The following VPS41 variants were observed in gnomAD, a reference collection of about 807,000 sequenced individuals.
VPS41 encodes the protein vacuolar protein sorting-associated protein 41 homolog.
VPS41 carries 85 observed loss-of-function variants against 130.9 expected under a neutral mutation model. The observed-to-expected ratio is 0.65, with a 90% CI of 0.55 to 0.78. The LOEUF (loss-of-function observed/expected upper bound fraction) is 0.78. VPS41 is among the 30% of genes least tolerant of loss of function. The pLI, the probability that VPS41 is intolerant of heterozygous loss-of-function variation, is 0.00. For missense variants in VPS41, 874 were observed against 1,018.7 expected (o/e 0.86, Z 1.93); for synonymous variants, 335 against 332.9 (o/e 1.01, Z -0.07).
chr7:38,789,697 G>T, intron 10 of VPS41, 104 bp downstream of exon 10: 1 of 1,106,282 alleles, frequency 9.0e-7, no homozygotes. Context: ...GGAGGCTGCT[G>T]CAGGGATCCA....
intron 17 of VPS41, among the ~76,000 whole-genome samples, chr7:38,763,165 TAGC>T (rs1231429224): frequency 6.6e-6 from 1 of 152,204 alleles, no homozygotes; most frequent in Non-Finnish European, 1.5e-5. Flanking sequence ...AAAGATGGAA[TAGC>T]AGCTGCTATT....
intron 10 of VPS41, among the ~76,000 whole-genome samples, chr7:38,777,439 A>C (rs1216242292): frequency 6.6e-6 from 1 of 152,226 alleles, no homozygotes; most frequent in Non-Finnish European, 1.5e-5. Context: ...CTTTAATTGC[A>C]CTGGACCCCA....
intron 10 of VPS41, among the ~76,000 whole-genome samples, chr7:38,786,124 G>A (rs558309110): frequency 6.6e-6 from 1 of 152,188 alleles, no homozygotes; most frequent in Non-Finnish European, 1.5e-5. Flanking sequence ...AAGGCCAGGG[G>A]CTGGGTAGAG....
chr7:38,886,292 G>A (rs530005949), intron 2 of VPS41, among the ~76,000 whole-genome samples: 1 of 152,302 alleles, frequency 6.6e-6, no homozygotes, highest in South Asian at 2.1e-4. Context: ...GTATACTCCT[G>A]CCCAAATACT....
intron 10 of VPS41, among the ~76,000 whole-genome samples, chr7:38,777,036 G>A (rs1276528822): frequency 6.6e-6 from 1 of 152,202 alleles, no homozygotes; most frequent in African/African-American, 2.4e-5. Flanking sequence ...AGCATGAATG[G>A]TCAAGGGTGA....
intron 17 of VPS41, among the ~76,000 whole-genome samples, chr7:38,760,080 A>C (rs950044917): frequency 6.6e-6 from 1 of 151,968 alleles, no homozygotes; most frequent in Non-Finnish European, 1.5e-5. Context: ...CCCCGATTTG[A>C]TCCTGTTTCC....
At chr7:38,759,835 G>A (rs1289226162) in intron 17 of VPS41, among the ~76,000 whole-genome samples, 2 of 152,054 alleles carry the variant, frequency 1.3e-5, no homozygotes, top group African/African-American at 4.8e-5. Context: ...GGGTGCAACT[G>A]GTTATGCAGT....
Position 38,795,475 on chromosome 7 carries a change from G to A in VPS41, c.707C>T (p.Thr236Ile). 6.2e-7 allele frequency: 1 copy of A among 1,610,966 alleles called. No individual in the cohort carries two copies. The highest frequency in any genetic ancestry group is 8.5e-7 in the Non-Finnish European group (1 of 1,178,388). ...DNVTLIIGWG[T>I]SVKVCSVKER... ...GACAAGCAAAACCACCTTGACAGAA[G>A]TCCCCCAGCCAATAATCAGTGTCAC... is the stretch of plus-strand genomic sequence containing the variant. Residue 236 changes from threonine (T) to isoleucine (I), a missense_variant, in exon 9 of 29, where the codon ACT (threonine) becomes ATT (isoleucine). Physicochemically the swap from Thr to Ile is moderately conservative, Grantham distance 89 (BLOSUM62 -1). Coordinates refer to ENST00000310301, the MANE Select transcript of VPS41 (RefSeq NM_014396.4).
intron 2 of VPS41, among the ~76,000 whole-genome samples, chr7:38,896,117 T>C (rs1380483118): frequency 6.6e-6 from 1 of 152,220 alleles, no homozygotes; most frequent in Non-Finnish European, 1.5e-5. Flanking sequence ...TTTGTTGAGC[T>C]GTTTAGTATT....
Position 38,874,039 on chromosome 7 carries a change from T to C in VPS41, c.61-4786A>G, listed in dbSNP as rs117263027. On this transcript the variant is annotated intron_variant, in intron 2 of 28. Transcript: ENST00000310301. Reference sequence around the variant, plus strand: ...AGAATATTTTACATTTCTTTTCACCTAATAATTTAAAATTTGTATACAAGA... The same window carrying C: ...AGAATATTTTACATTTCTTTTCACCCAATAATTTAAAATTTGTATACAAGA... Among the ~76,000 whole-genome samples the C allele has an allele frequency of 8.7e-3, 1,319 of 152,314 alleles. 9 individuals are homozygous for C. The highest frequency in any genetic ancestry group is 0.012 in the Non-Finnish European group (805 of 68,014).
intron 2 of VPS41, among the ~76,000 whole-genome samples, chr7:38,890,687 T>A (rs1411704595): frequency 6.9e-6 from 1 of 145,372 alleles, no homozygotes; most frequent in Non-Finnish European, 1.5e-5. Flanking sequence ...CATTTTTCCC[T>A]TTTTTTTTTT....
Position 38,742,078 on chromosome 7 carries a change from G to A in VPS41, c.2166C>T (p.Asp722=), listed in dbSNP as rs1343397904. 3 of 1,612,540 alleles carry A rather than the reference G, an allele frequency of 1.9e-6. No homozygotes were observed. The Admixed American group carries it at 5.0e-5, about 27-fold the overall frequency. The change falls in exon 25 of 29, where the codon GAC becomes GAT. Residue 722 remains aspartate (D), a synonymous_variant. Coordinates refer to ENST00000310301, the MANE Select transcript of VPS41 (RefSeq NM_014396.4). ...TAATACGGTGAATCAGTAGAATTGG[G>A]TCAACATGTGTGCCAATGTTGTTTA... The part of the protein sequence containing the change: ...GLLNNIGTHV[D]PILLIHRIKE...
chr7:38,864,078 T>C (rs1236802844), intron 3 of VPS41, among the ~76,000 whole-genome samples: 1 of 152,214 alleles, frequency 6.6e-6, no homozygotes, highest in African/African-American at 2.4e-5. Flanking sequence ...AGGCTATCTG[T>C]GGTAAAAGAA....
chr7:38,795,147 AAAC>A (rs145043497), intron 9 of VPS41, among the ~76,000 whole-genome samples: 9,718 of 152,284 alleles, frequency 0.064, 327 homozygotes, highest in Middle Eastern at 0.082. Flanking sequence ...AAACCTGACT[AAAC>A]AACAAAACTA....
intron 22 of VPS41, among the ~76,000 whole-genome samples, chr7:38,746,732 G>C (rs1349257943): frequency 6.6e-6 from 1 of 152,134 alleles, no homozygotes; most frequent in Non-Finnish European, 1.5e-5. Context: ...ACTTAAAGCT[G>C]AGAATCTCTA....
chr7:38,780,103 A>G (rs1036752001), intron 10 of VPS41, among the ~76,000 whole-genome samples: 1 of 152,134 alleles, frequency 6.6e-6, no homozygotes, highest in Non-Finnish European at 1.5e-5. Flanking sequence ...AATCACAAAG[A>G]AAATAAACAT....
chr7:38,728,944 C>A (rs777939198), intron 25 of VPS41, among the ~76,000 whole-genome samples, 153 bp from the exon 26 acceptor site: 1 of 152,170 alleles, frequency 6.6e-6, no homozygotes, highest in East Asian at 1.9e-4. Context: ...CCTCTTCCTG[C>A]CAAACCACTG....
intron 25 of VPS41, among the ~76,000 whole-genome samples, chr7:38,737,433 G>A (rs2115600776): frequency 6.6e-6 from 1 of 152,186 alleles, no homozygotes; most frequent in Non-Finnish European, 1.5e-5. Flanking sequence ...CATAGATACA[G>A]ACAAAATAAA....
intron 7 of VPS41, among the ~76,000 whole-genome samples, chr7:38,807,418 G>A (rs1474217610): frequency 6.6e-6 from 1 of 151,620 alleles, no homozygotes; most frequent in East Asian, 1.9e-4. Context: ...AGGTCGAGGG[G>A]GATCCAAAAG....
Sources: allele counts gnomAD v4.1 joint callset (sites outside exome capture counted in the v4.1 genomes callset), GRCh38; gene constraint gnomAD v4.1.1; transcripts MANE v1.5; gene names NCBI Gene and HGNC (gene_info 2026-07-23, HGNC 2026-07-21).